Variants in PGM5 observed in about 807,000 individuals in gnomAD.
The protein encoded by PGM5 is phosphoglucomutase-like protein 5.
Under a neutral mutation model 59.2 loss-of-function variants are expected in PGM5, and 23 were observed. The observed-to-expected ratio is 0.39, with a 90% CI of 0.28 to 0.55. PGM5 has a LOEUF of 0.55. PGM5 is among the 20% of genes least tolerant of loss of function. The probability of loss-of-function intolerance (pLI) is 0.66; values close to 1 mark genes in which losing one functional copy is unlikely to be tolerated. For missense variants in PGM5, 574 were observed against 748.3 expected (o/e 0.77, Z 2.72); for synonymous variants, 214 against 286.0 (o/e 0.75, Z 2.54).
In PGM5 at chr9:68,512,473, G is replaced by T. The variant is rs116211946; in HGVS notation, c.1614+13112G>T. ...TGGAGGTTAGAAGTCTGAGATGAGT[G>T]TGTTGACAGAGCTGGTTCCCTCTGA... On this transcript the variant is annotated intron_variant, in intron 10 of 10. Coordinates refer to ENST00000396396, the MANE Select transcript of PGM5 (RefSeq NM_021965.4). Among the ~76,000 whole-genome samples the T allele has an allele frequency of 8.3e-4, 126 of 152,354 alleles. 1 individual carries two copies. Among genetic ancestry groups the T allele is most frequent in the African/African-American group, 2.8e-3 (118 of 41,600 alleles).
chr9:68,386,778 C>T (rs1245132176), intron 3 of PGM5, among the ~76,000 whole-genome samples: 1 of 151,904 alleles, frequency 6.6e-6, no homozygotes, highest in African/African-American at 2.4e-5. Context: ...GTATTCTGAG[C>T]TTTTTGGTAT....
intron 7 of PGM5, among the ~76,000 whole-genome samples, chr9:68,467,745 A>G (rs1310140800): frequency 1.3e-5 from 2 of 152,142 alleles, no homozygotes; most frequent in African/African-American, 4.8e-5. Flanking sequence ...ATAGAGCTTT[A>G]AAATTGCTTT....
chr9:68,515,318 T>G (rs1296634716), intron 10 of PGM5, among the ~76,000 whole-genome samples: 1 of 152,202 alleles, frequency 6.6e-6, no homozygotes, highest in Non-Finnish European at 1.5e-5. Context: ...CATTTCCATG[T>G]TTTTAGTGCC....
At chr9:68,406,698 A>ATG (rs1822823444) in intron 6 of PGM5, among the ~76,000 whole-genome samples, 1 of 82,324 alleles carries the variant, frequency 1.2e-5, no homozygotes, top group Non-Finnish European at 2.5e-5. Flanking sequence ...ATATATATAT[A>ATG]TATATATATA....
chr9:68,436,217 C>T (rs782797875), intron 6 of PGM5, among the ~76,000 whole-genome samples: 2 of 152,178 alleles, frequency 1.3e-5, no homozygotes, highest in Non-Finnish European at 2.9e-5. Flanking sequence ...ACAAACTGGT[C>T]AGTGTCCTTT....
rs575680160 is a variant in PGM5, at chr9:68,407,271, A to G, written c.1043+14798A>G. ...GCCTCCCAAGTAGCTGGGAACACAGACATGCACCACCCTACCTGGCTAATT... is the reference window on the plus strand; with the variant it reads ...GCCTCCCAAGTAGCTGGGAACACAGGCATGCACCACCCTACCTGGCTAATT... On this transcript the variant is annotated intron_variant, in intron 6 of 10. Coordinates refer to ENST00000396396, the MANE Select transcript of PGM5 (RefSeq NM_021965.4). Among the ~76,000 whole-genome samples, 756 of 152,168 alleles carry G rather than the reference A, an allele frequency of 5.0e-3. 6 individuals are homozygous for G. The highest frequency in any genetic ancestry group is 6.9e-3 in the Non-Finnish European group (471 of 67,992).
intron 9 of PGM5, among the ~76,000 whole-genome samples, chr9:68,494,329 C>T (rs901451315): frequency 3.3e-5 from 5 of 152,176 alleles, no homozygotes; most frequent in Admixed American, 6.5e-5. Flanking sequence ...GTTTTATTAG[C>T]CTCACTGTGT....
intron 7 of PGM5, among the ~76,000 whole-genome samples, chr9:68,474,847 A>T (rs551157634): frequency 6.7e-6 from 1 of 150,204 alleles, no homozygotes; most frequent in South Asian, 2.1e-4. Flanking sequence ...AAAGACACTC[A>T]CTCTCAAGCC....
At chr9:68,482,095 CG>C (rs1426672354) in intron 8 of PGM5, among the ~76,000 whole-genome samples, 1 of 152,014 alleles carries the variant, frequency 6.6e-6, no homozygotes, top group Non-Finnish European at 1.5e-5. Context: ...GGTGATCAGA[CG>C]GGGATTTGGG....
chr9:68,527,986 A>G (rs1253546276), intron 10 of PGM5, among the ~76,000 whole-genome samples: 2 of 152,126 alleles, frequency 1.3e-5, no homozygotes, highest in Non-Finnish European at 2.9e-5. Context: ...TCAGGACACA[A>G]TGGATTGCTT....
chr9:68,363,777 G>C (rs1203969388), intron 1 of PGM5, among the ~76,000 whole-genome samples: 2 of 152,298 alleles, frequency 1.3e-5, no homozygotes, highest in Non-Finnish European at 2.9e-5. Context: ...GGGCAGATGC[G>C]TTAGCCTCTT....
At chr9:68,438,597 A>C (rs1257356537) in intron 6 of PGM5, among the ~76,000 whole-genome samples, 1 of 152,230 alleles carries the variant, frequency 6.6e-6, no homozygotes, top group African/African-American at 2.4e-5. Context: ...AGTCTAGACA[A>C]GATGTACGAA....
intron 6 of PGM5, among the ~76,000 whole-genome samples, chr9:68,462,523 T>C (rs1305243455): frequency 6.6e-6 from 1 of 152,170 alleles, no homozygotes; most frequent in Non-Finnish European, 1.5e-5. Flanking sequence ...GTTATAAAAG[T>C]ATCCGGTCCT....
chr9:68,387,251 A>G (rs1476511887), intron 3 of PGM5, among the ~76,000 whole-genome samples: 1 of 152,050 alleles, frequency 6.6e-6, no homozygotes, highest in East Asian at 1.9e-4. Flanking sequence ...ATTTATACCC[A>G]TTGAGCACCT....
Position 68,479,537 on chromosome 9 carries a change from C to T in PGM5, c.1279C>T (p.Arg427Cys), listed in dbSNP as rs782051845. 8.1e-6 allele frequency: 13 copies of T among 1,613,952 alleles called. No individual in the cohort carries two copies. The highest frequency in any genetic ancestry group is 2.7e-5 in the African/African-American group (2 of 74,996). ...IVRDHWAKFG[R>C]HYYCRFDYEG... ...CCGAGATCACTGGGCCAAATTTGGC[C>T]GCCACTACTATTGCAGGTGAGGAGA... Residue 427 changes from arginine (R) to cysteine (C), a missense_variant, in exon 8 of 11, where the codon CGC becomes TGC. By Grantham distance (180) the Arg-to-Cys change is radical. Transcript: ENST00000396396.
rs561931898 is a variant in PGM5 at position 68,361,413 on chromosome 9, G to GT, written c.261+4031dup. ...ATGGTGTCATTTAACTTTTCACTCT[G>GT]TTTTTTCCTGGTTAACTGGAAGTTA... On this transcript the variant is annotated intron_variant, in intron 1 of 10. Coordinates refer to ENST00000396396, the MANE Select transcript of PGM5 (RefSeq NM_021965.4). Among the ~76,000 whole-genome samples the GT allele has an allele frequency of 4.3e-4, 65 of 152,336 alleles. No homozygotes were observed. The East Asian group carries it at 0.011, about 25-fold the overall frequency.
intron 1 of PGM5, among the ~76,000 whole-genome samples, chr9:68,361,898 T>C (rs1222504984): frequency 1.3e-5 from 2 of 152,066 alleles, no homozygotes; most frequent in African/African-American, 4.8e-5. Flanking sequence ...GATGGTGAGA[T>C]GATCGCAAGG....
At chr9:68,457,054 T>G (rs1823790626) in intron 6 of PGM5, among the ~76,000 whole-genome samples, 1 of 152,192 alleles carries the variant, frequency 6.6e-6, no homozygotes, top group Non-Finnish European at 1.5e-5. Flanking sequence ...GTGACTTGCT[T>G]AGGTCATCTG....
At chr9:68,376,835 C>G (rs1338510643) in intron 1 of PGM5, among the ~76,000 whole-genome samples, 1 of 58,598 alleles carries the variant, frequency 1.7e-5, no homozygotes, top group African/African-American at 8.3e-5. Context: ...CTTTCTTTCT[C>G]TTTCTTTCTT....
Sources: gnomAD v4.1 joint callset for allele counts (sites outside exome capture counted in the v4.1 genomes callset) on GRCh38, gnomAD v4.1.1 for gene constraint, MANE v1.5 for transcripts, NCBI Gene and HGNC (gene_info 2026-07-23, HGNC 2026-07-21) for gene names.